The following CCDC141 variants were observed in gnomAD, a reference collection of about 807,000 sequenced individuals.
The protein encoded by CCDC141 is coiled-coil domain containing 141, also known as coiled-coil domain-containing protein 141.
CCDC141 carries 168 observed loss-of-function variants against 181.0 expected under a neutral mutation model. The observed-to-expected ratio is 0.93, with a 90% confidence interval of 0.82 to 1.05. The LOEUF is 1.05. Among genes scored for constraint, CCDC141 ranks in the 50% least tolerant of loss-of-function variants. The pLI, the probability that CCDC141 is intolerant of heterozygous loss-of-function variation, is 0.00. For synonymous variants in CCDC141, 666 were observed against 642.3 expected, an observed-to-expected ratio of 1.04 and a Z score of -0.56; for missense variants, 1,902 against 1,788.5, an observed-to-expected ratio of 1.06 and a Z score of -1.14.
At chr2:179,049,235 G>A (rs927321060) in intron 1 of CCDC141, among the ~76,000 whole-genome samples, 1 of 152,138 alleles carries the variant, frequency 6.6e-6, no homozygotes, top group African/African-American at 2.4e-5. Context: ...GCTGTTAAGA[G>A]CAAATTTGAC....
intron 2 of CCDC141, among the ~76,000 whole-genome samples, chr2:179,015,714 CAT>C (rs1379982783): frequency 7.8e-6 from 1 of 128,028 alleles, no homozygotes; most frequent in East Asian, 2.2e-4. Context: ...ATATCTCATA[CAT>C]ATCTCATATA....
intron 6 of CCDC141, among the ~76,000 whole-genome samples, chr2:178,939,901 G>A (rs75396618): frequency 0.01 from 1,549 of 152,240 alleles, 26 homozygotes; most frequent in African/African-American, 0.035. Context: ...CTATACCAAA[G>A]TTACTGATAT....
At chr2:178,972,347 G>A (rs1431432282) in intron 4 of CCDC141, among the ~76,000 whole-genome samples, 5 of 152,110 alleles carry the variant, frequency 3.3e-5, no homozygotes, top group African/African-American at 7.2e-5. Context: ...CAAATAACAC[G>A]CAACAAATAT....
intron 2 of CCDC141, among the ~76,000 whole-genome samples, chr2:178,999,724 C>T (rs2041897204): frequency 6.6e-6 from 1 of 151,980 alleles, no homozygotes; most frequent in South Asian, 2.1e-4. Flanking sequence ...TATTTCTCAG[C>T]CTAGAATACC....
At chr2:179,008,656 G>A (rs115470223) in intron 2 of CCDC141, among the ~76,000 whole-genome samples, 1,755 of 152,226 alleles carry the variant, frequency 0.012, 12 homozygotes, top group Non-Finnish European at 0.018. Flanking sequence ...ATACAACCAC[G>A]TTTTGGAAGC....
chr2:178,893,571 T>C (rs1687256932), intron 8 of CCDC141, among the ~76,000 whole-genome samples: 1 of 152,080 alleles, frequency 6.6e-6, no homozygotes. Context: ...AAATCTTCCT[T>C]ATCTTTAGCT....
chr2:178,947,791 A>G (rs891686973), intron 5 of CCDC141, among the ~76,000 whole-genome samples: 8 of 152,250 alleles, frequency 5.3e-5, no homozygotes, highest in Admixed American at 3.9e-4. Context: ...CTCATCATAC[A>G]TAGCTATCTT....
At chr2:178,955,143 G>C (rs941308049) in intron 5 of CCDC141, among the ~76,000 whole-genome samples, 2 of 152,180 alleles carry the variant, frequency 1.3e-5, no homozygotes, top group African/African-American at 4.8e-5. Context: ...AAATATAGCC[G>C]GCATGGTGGC....
At chr2:178,975,204 T>C (rs1433113135) in intron 3 of CCDC141, 39 bp from the exon 4 acceptor site, 2 of 1,118,108 alleles carry the variant, frequency 1.8e-6, no homozygotes, top group South Asian at 1.6e-5. Flanking sequence ...TTGACATTTG[T>C]ATAAAAATTA....
chr2:178,989,423 A>G (rs1691918170), intron 2 of CCDC141, among the ~76,000 whole-genome samples: 1 of 151,506 alleles, frequency 6.6e-6, no homozygotes, highest in South Asian at 2.1e-4. Context: ...TTGAAACTCC[A>G]TCTCTACTAA....
intron 22 of CCDC141, 77 bp downstream of exon 22, chr2:178,845,549 T>C: frequency 1.2e-6 from 1 of 805,978 alleles, no homozygotes; most frequent in Non-Finnish European, 2.1e-6. Context: ...TGCAATTCAC[T>C]TTTATTTTGC....
intron 6 of CCDC141, among the ~76,000 whole-genome samples, chr2:178,938,402 TC>T (rs1437393845): frequency 2.0e-5 from 3 of 152,136 alleles, no homozygotes; most frequent in African/African-American, 7.2e-5. Context: ...AATTGCATGG[TC>T]TTAAGTGATT....
intron 6 of CCDC141, among the ~76,000 whole-genome samples, chr2:178,940,296 C>A (rs1055178923): frequency 1.3e-5 from 2 of 152,032 alleles, no homozygotes; most frequent in Non-Finnish European, 2.9e-5. Context: ...TACAACTTTC[C>A]AAATTTACAT....
chr2:178,895,167 T>C (rs1468140458), intron 8 of CCDC141, among the ~76,000 whole-genome samples: 1 of 152,216 alleles, frequency 6.6e-6, no homozygotes, highest in East Asian at 1.9e-4. Flanking sequence ...TTCCATTATG[T>C]GCTTTCCCTT....
chr2:178,951,314 G>A (rs1388982345), intron 5 of CCDC141, among the ~76,000 whole-genome samples: 1 of 152,138 alleles, frequency 6.6e-6, no homozygotes, highest in Non-Finnish European at 1.5e-5. Context: ...AGACCGACAG[G>A]CAGTACAGAA....
chr2:178,916,802 T>C (rs1310229601), intron 7 of CCDC141, among the ~76,000 whole-genome samples: 1 of 152,174 alleles, frequency 6.6e-6, no homozygotes. Flanking sequence ...ATAGTTAGCA[T>C]GCCATGGCTT....
chr2:178,952,817 C>T (rs1419179491), intron 5 of CCDC141, among the ~76,000 whole-genome samples: 1 of 152,162 alleles, frequency 6.6e-6, no homozygotes, highest in Non-Finnish European at 1.5e-5. Context: ...AATAATGCAA[C>T]CCTTATTTGG....
intron 4 of CCDC141, among the ~76,000 whole-genome samples, chr2:178,970,099 C>A (rs148541122): frequency 6.6e-6 from 1 of 152,188 alleles, no homozygotes; most frequent in African/African-American, 2.4e-5. Flanking sequence ...AAACTACCAA[C>A]CACCGCTCAA....
intron 2 of CCDC141, among the ~76,000 whole-genome samples, chr2:179,032,505 T>A (rs1297502539): frequency 2.6e-5 from 4 of 152,180 alleles, no homozygotes; most frequent in Non-Finnish European, 5.9e-5. Context: ...TTTCTGGAAC[T>A]TTTTCTGTCC....
Sources: allele counts gnomAD v4.1 joint callset (sites outside exome capture counted in the v4.1 genomes callset), GRCh38; gene constraint gnomAD v4.1.1; transcripts MANE v1.5; gene names NCBI Gene and HGNC (gene_info 2026-07-23, HGNC 2026-07-21).